SEC22C: variants seen among roughly 807,000 people sequenced by gnomAD.
The protein encoded by SEC22C is SEC22 homolog C, vesicle trafficking protein, also known as vesicle-trafficking protein SEC22c.
A neutral mutation model predicts 34.7 loss-of-function variants in SEC22C; 29 were observed. The ratio of observed to expected loss-of-function variants is 0.84; its 90% CI spans 0.62 to 1.14. The LOEUF is 1.14. Ranked by LOEUF, SEC22C falls within the 50% of genes most tolerant of loss-of-function variation. The pLI is 0.00. For synonymous variants in SEC22C, 117 were observed against 132.8 expected, an observed-to-expected ratio of 0.88 and a Z score of 0.82; for missense variants, 337 against 369.0, an observed-to-expected ratio of 0.91 and a Z score of 0.71.
upstream of SEC22C, among the ~76,000 whole-genome samples, chr3:42,585,041 A>C (rs1411368374): frequency 2.0e-5 from 3 of 152,210 alleles, no homozygotes; most frequent in Non-Finnish European, 4.4e-5. Flanking sequence ...AGGCAGGAGA[A>C]TCACTTGAAC....
chr3:42,561,159 T>C lies in SEC22C; in HGVS notation c.484A>G (p.Asn162Asp), dbSNP rs761672740. 1 of 1,614,146 alleles carries C rather than the reference T, an allele frequency of 6.2e-7. No individual in the cohort carries two copies. The highest frequency in any genetic ancestry group is 8.5e-7 in the Non-Finnish European group (1 of 1,180,020). ...GGTGTGTGACCATTCATCACCCCAT[T>C]TGCCACATCTGTGTCCTCCAGAGTG... ...VLTLEDTDVA[N>D]GVMNGHTPMH... The change falls in exon 4 of 7, where the codon AAT becomes GAT. Residue 162 changes from asparagine to aspartate, a missense_variant. Asn to Asp is a conservative substitution (Grantham distance 23). Transcript: ENST00000264454.
In SEC22C at chr3:42,552,268, T is replaced by C. The variant is rs911529566; in HGVS notation, c.*980A>G. ...ACTGGGAAAGGTGCAGAGGAGTAAT[T>C]AATTTTGGAGGCGCTCTGGGAACAG... On this transcript the variant is annotated 3_prime_UTR_variant, in exon 7 of 7. Coordinates refer to ENST00000264454, the MANE Select transcript of SEC22C (RefSeq NM_032970.4). The C allele has an allele frequency of 1.0e-6, 1 of 985,310 alleles. No individual in the cohort carries two copies. The highest frequency in any genetic ancestry group is 5.2e-4 in the Middle Eastern group (1 of 1,936). 61.0% of individuals were successfully genotyped at this position (985,310 alleles called of 1,614,324 possible).
At chr3:42,570,364 T>C (rs1476025434) in intron 1 of SEC22C, among the ~76,000 whole-genome samples, 2 of 152,196 alleles carry the variant, frequency 1.3e-5, no homozygotes, top group South Asian at 2.1e-4. Context: ...ACCTCTTTGT[T>C]CTCTATTTTA....
chr3:42,569,372 G>A (rs1222863964), intron 1 of SEC22C, among the ~76,000 whole-genome samples: 3 of 152,104 alleles, frequency 2.0e-5, no homozygotes, highest in African/African-American at 7.2e-5. Context: ...AAGAACGGAC[G>A]CAGGACCAGA....
chr3:42,582,483 A>G (rs1704450172), upstream of SEC22C, among the ~76,000 whole-genome samples: 1 of 152,230 alleles, frequency 6.6e-6, no homozygotes, highest in Admixed American at 6.5e-5. Context: ...GCACCCACAG[A>G]TGGATGACTG....
chr3:42,600,831 G>A (rs2125747781), intron 1 of SEC22C: 1 of 427,198 alleles, frequency 2.3e-6, no homozygotes, highest in East Asian at 3.8e-5. Context: ...CGAGGCCCGG[G>A]GCGGGAGGGG....
In SEC22C at chr3:42,552,507, C is replaced by T; in HGVS notation, c.*741G>A. 1.0e-6 allele frequency: 1 copy of T among 983,324 alleles called. No homozygotes were observed. Among genetic ancestry groups the T allele is most frequent in the Non-Finnish European group, 1.2e-6 (1 of 828,106 alleles). The allele number at this position is 983,324 out of a possible 1,614,324, so 60.9% of individuals were successfully genotyped here. On this transcript the variant is annotated 3_prime_UTR_variant, in exon 7 of 7. Transcript: ENST00000264454. Reference sequence around the variant, plus strand: ...TTATCATCTAGAAGTACTGGTTATTCAATTAATTTTTAAAATATTCGGATA... The same window carrying T: ...TTATCATCTAGAAGTACTGGTTATTTAATTAATTTTTAAAATATTCGGATA...
At chr3:42,561,657 G>A (rs942780556) in intron 3 of SEC22C, among the ~76,000 whole-genome samples, 5 of 152,330 alleles carry the variant, frequency 3.3e-5, no homozygotes, top group Middle Eastern at 3.4e-3. Context: ...CCAGAGTGCT[G>A]GGATAATAGG....
chr3:42,562,888 T>C (rs77714119), intron 3 of SEC22C, among the ~76,000 whole-genome samples: 5,538 of 152,350 alleles, frequency 0.036, 166 homozygotes, highest in East Asian at 0.12. Context: ...AACTGTTTTT[T>C]TCTTACTTCC....
chr3:42,599,822 G>A (rs1446863341), intron 1 of SEC22C, among the ~76,000 whole-genome samples: 1 of 152,098 alleles, frequency 6.6e-6, no homozygotes, highest in Non-Finnish European at 1.5e-5. Flanking sequence ...AGACTTACAC[G>A]TTAAAGACTA....
intron 1 of SEC22C, chr3:42,594,646 T>C (rs2125742579): frequency 1.5e-6 from 1 of 653,162 alleles, no homozygotes; most frequent in Non-Finnish European, 2.6e-6. Context: ...CTGTGGCTCT[T>C]TCGAAACGTG....
chr3:42,584,897 A>G (rs1337265136), upstream of SEC22C, among the ~76,000 whole-genome samples: 1 of 152,098 alleles, frequency 6.6e-6, no homozygotes, highest in Non-Finnish European at 1.5e-5. Context: ...GCACTTTGGG[A>G]GGCCAAGGTG....
At chr3:42,561,015 C>T in intron 4 of SEC22C, 102 bp downstream of exon 4, 1 of 1,185,914 alleles carries the variant, frequency 8.4e-7, no homozygotes, top group Non-Finnish European at 1.2e-6. Flanking sequence ...TTATACTACT[C>T]CCTCTCCCCA....
chr3:42,591,885 G>A (rs1704861158), intron 1 of SEC22C, among the ~76,000 whole-genome samples: 1 of 152,152 alleles, frequency 6.6e-6, no homozygotes, highest in African/African-American at 2.4e-5. Context: ...CAGGGATGGG[G>A]GTGAGAGCAC....
Position 42,576,110 on chromosome 3 carries a change from C to G in SEC22C, c.-28+5736G>C, listed in dbSNP as rs537479892. On this transcript the variant is annotated intron_variant, in intron 1 of 6. Coordinates refer to ENST00000264454, the MANE Select transcript of SEC22C (RefSeq NM_032970.4). ...ATTAAACACACACTTTAAAACAATC[C>G]GTAAGTTAAAAAGGAAATATAAAGG... 4.6e-5 allele frequency among the ~76,000 whole-genome samples: 7 copies of G among 151,542 alleles called. No homozygotes were observed. The South Asian group carries it at 1.5e-3, about 32-fold the overall frequency.
In SEC22C at chr3:42,550,332, A is replaced by C. The variant is rs1373578841; in HGVS notation, c.*2916T>G. On this transcript the variant is annotated 3_prime_UTR_variant, in exon 7 of 7. Transcript: ENST00000264454. Reference sequence around the variant, plus strand: ...ACTGGGAAAACAAAAGTGCTACAACAACAGTGAGTCCATGGTGGAGTGAGG... The same window carrying C: ...ACTGGGAAAACAAAAGTGCTACAACCACAGTGAGTCCATGGTGGAGTGAGG... The C allele has an allele frequency of 2.0e-6, 2 of 985,328 alleles. No individual in the cohort carries two copies. The highest frequency in any genetic ancestry group is 3.5e-5 in the African/African-American group (2 of 57,238). 61.0% of individuals were successfully genotyped at this position (985,328 alleles called of 1,614,324 possible). A position where few individuals can be genotyped will look rare whatever the true frequency, so the allele number is the denominator to read the frequency against.
chr3:42,584,264 A>G (rs1483524780), upstream of SEC22C, among the ~76,000 whole-genome samples: 1 of 152,120 alleles, frequency 6.6e-6, no homozygotes, highest in Non-Finnish European at 1.5e-5. Context: ...CTGAACACAG[A>G]CTTTTTTTGA....
chr3:42,590,694 G>A, intron 1 of SEC22C: 6 of 628,010 alleles, frequency 9.6e-6, no homozygotes, highest in South Asian at 7.5e-5. Context: ...CTGCGCAAGC[G>A]CAAAGGATAC....
In SEC22C at chr3:42,550,486, T is replaced by C; in HGVS notation, c.*2762A>G. On this transcript the variant is annotated 3_prime_UTR_variant, in exon 7 of 7. Coordinates refer to ENST00000264454, the MANE Select transcript of SEC22C (RefSeq NM_032970.4). ...CTCGGATGAAATCACCAGAACTTCT[T>C]TCCTATTTTCAGTCTCTTCCTTCAG... The C allele has an allele frequency of 1.0e-6, 1 of 985,460 alleles. No individual in the cohort carries two copies. The highest frequency in any genetic ancestry group is 1.2e-6 in the Non-Finnish European group (1 of 829,934). The allele number at this position is 985,460 out of a possible 1,614,324, so 61.0% of individuals were successfully genotyped here.
Sources: gnomAD v4.1 joint callset for allele counts (sites outside exome capture counted in the v4.1 genomes callset) on GRCh38, gnomAD v4.1.1 for gene constraint, MANE v1.5 for transcripts, NCBI Gene and HGNC (gene_info 2026-07-23, HGNC 2026-07-21) for gene names.